The following ARHGAP25 variants were observed in gnomAD, a reference collection of about 807,000 sequenced individuals.
The protein encoded by ARHGAP25 is Rho GTPase activating protein 25, also known as rho GTPase-activating protein 25.
In ARHGAP25, 34 loss-of-function variants were observed where a neutral mutation model predicts 71.0. The ratio of observed to expected loss-of-function variants is 0.48; its 90% CI spans 0.36 to 0.64. The LOEUF (loss-of-function observed/expected upper bound fraction) is 0.64. Among genes scored for constraint, ARHGAP25 ranks in the 30% least tolerant of loss-of-function variants. The probability of loss-of-function intolerance (pLI) is 0.00; values close to 1 mark genes in which losing one functional copy is unlikely to be tolerated. For missense variants in ARHGAP25, 706 were observed against 805.1 expected (o/e 0.88, Z 1.49); for synonymous variants, 282 against 296.5 (o/e 0.95, Z 0.50).
At chr2:68,777,745 C>T (rs1011435696) in intron 2 of ARHGAP25, among the ~76,000 whole-genome samples, 2 of 151,958 alleles carry the variant, frequency 1.3e-5, no homozygotes, top group Non-Finnish European at 2.9e-5. Flanking sequence ...AAAATAAAAC[C>T]TTTAGGAATA....
At chr2:68,746,047 C>G (rs572454060) in intron 1 of ARHGAP25, among the ~76,000 whole-genome samples, 19 of 152,318 alleles carry the variant, frequency 1.2e-4, no homozygotes, top group Admixed American at 1.2e-3. Flanking sequence ...CCTCTTAATA[C>G]TGTTGCATTG....
intron 10 of ARHGAP25, among the ~76,000 whole-genome samples, chr2:68,823,508 G>C (rs72903634): frequency 6.6e-6 from 1 of 152,180 alleles, no homozygotes; most frequent in African/African-American, 2.4e-5. Context: ...AGCAAGTCAG[G>C]TGTGTAGATG....
At chr2:68,823,972 A>T (rs1191982991) in intron 10 of ARHGAP25, among the ~76,000 whole-genome samples, 1 of 152,250 alleles carries the variant, frequency 6.6e-6, no homozygotes, top group Non-Finnish European at 1.5e-5. Flanking sequence ...GTCATGAGGC[A>T]GTGAAATGTG....
At chr2:68,766,905 G>A (rs1226095833) in intron 1 of ARHGAP25, among the ~76,000 whole-genome samples, 2 of 152,030 alleles carry the variant, frequency 1.3e-5, no homozygotes, top group African/African-American at 2.4e-5. Context: ...CATAGTTATT[G>A]GTGCCAAGCC....
At chr2:68,775,650 A>T (rs1018179643) in intron 2 of ARHGAP25, 4 of 689,422 alleles carry the variant, frequency 5.8e-6, no homozygotes, top group Non-Finnish European at 1.0e-5. Context: ...AGTTTCCTAC[A>T]CATGGCTCTG....
intron 1 of ARHGAP25, chr2:68,774,910 A>G (rs1677757346): frequency 7.2e-7 from 1 of 1,382,870 alleles, no homozygotes; most frequent in Non-Finnish European, 9.4e-7. Flanking sequence ...CTTCCTCTTC[A>G]GAAGGCTCCA....
intron 1 of ARHGAP25, 21 bp from the exon 2 acceptor site, chr2:68,775,200 C>A (rs993358751): frequency 1.2e-6 from 2 of 1,614,146 alleles, no homozygotes; most frequent in African/African-American, 1.3e-5. Context: ...GGTCAGTCGG[C>A]CTGTCTGTTC....
chr2:68,779,533 T>A (rs562167812), intron 2 of ARHGAP25, among the ~76,000 whole-genome samples: 1 of 152,322 alleles, frequency 6.6e-6, no homozygotes, highest in East Asian at 1.9e-4. Context: ...TATAAGCATT[T>A]TGAAAAATGC....
At chr2:68,765,983 T>C (rs987444959) in intron 1 of ARHGAP25, among the ~76,000 whole-genome samples, 1 of 152,218 alleles carries the variant, frequency 6.6e-6, no homozygotes, top group Non-Finnish European at 1.5e-5. Context: ...TACTTGAGCA[T>C]TGCCCTGGAA....
intron 3 of ARHGAP25, among the ~76,000 whole-genome samples, chr2:68,782,773 C>T (rs532254769): frequency 1.3e-4 from 20 of 152,228 alleles, no homozygotes; most frequent in Non-Finnish European, 2.8e-4. Context: ...GATGGTTCCA[C>T]CCATTGCATC....
At chr2:68,787,232 G>A (rs537772318) in intron 3 of ARHGAP25, among the ~76,000 whole-genome samples, 3 of 152,160 alleles carry the variant, frequency 2.0e-5, no homozygotes, top group Non-Finnish European at 4.4e-5. Flanking sequence ...ATAATCTTAG[G>A]TTTGAAGTGA....
At position 68,822,348 on chromosome 2, in the gene ARHGAP25, C is replaced by T. The variant is rs1681750069; in HGVS notation, c.1209C>T (p.Asp403=). The change falls in exon 10 of 11, where the codon GAC becomes GAT. Residue 403 remains aspartate, a synonymous_variant. Transcript: ENST00000409202. ...GGCCATTTCTTTTCTAGACAAGCGA[C>T]TCTGATACAACCAGCCCCACCGGAC... The part of the protein sequence containing the change: ...RTDSFSSMTS[D]SDTTSPTGQQ... 6.2e-7 allele frequency: 1 copy of T among 1,612,810 alleles called. No homozygotes were observed. The highest frequency in any genetic ancestry group is 8.5e-7 in the Non-Finnish European group (1 of 1,179,408).
intron 1 of ARHGAP25, among the ~76,000 whole-genome samples, chr2:68,741,796 T>C (rs1252176522): frequency 6.6e-6 from 1 of 152,240 alleles, no homozygotes; most frequent in African/African-American, 2.4e-5. Context: ...TTATTTCTTT[T>C]AGTTCATAAA....
chr2:68,797,338 G>A (rs2104421274), intron 4 of ARHGAP25, among the ~76,000 whole-genome samples: 1 of 152,276 alleles, frequency 6.6e-6, no homozygotes, highest in East Asian at 1.9e-4. Context: ...TTGGCCCACA[G>A]GAATGAGACT....
chr2:68,739,122 C>A (rs1212355797), intron 1 of ARHGAP25, among the ~76,000 whole-genome samples: 1 of 152,198 alleles, frequency 6.6e-6, no homozygotes, highest in Non-Finnish European at 1.5e-5. Flanking sequence ...TGGGGACCAA[C>A]CTAAGTGGTG....
At chr2:68,819,097 A>G in intron 8 of ARHGAP25, 26 bp from the exon 9 acceptor site, 1 of 1,524,464 alleles carries the variant, frequency 6.6e-7, no homozygotes, top group Non-Finnish European at 8.8e-7. Flanking sequence ...ACACTACACA[A>G]CAGATCTTTT....
upstream of ARHGAP25, among the ~76,000 whole-genome samples, chr2:68,732,177 G>A (rs1675038938): frequency 6.6e-6 from 1 of 152,192 alleles, no homozygotes; most frequent in Non-Finnish European, 1.5e-5. Context: ...AGAGCTCTGT[G>A]GTGGGGGAAG....
intron 3 of ARHGAP25, among the ~76,000 whole-genome samples, chr2:68,784,497 G>GT (rs199629320): frequency 0.038 from 5,633 of 149,546 alleles, 139 homozygotes; most frequent in Admixed American, 0.072. Flanking sequence ...AGGCATGCTA[G>GT]TTTTTTTTTT....
intron 1 of ARHGAP25, among the ~76,000 whole-genome samples, chr2:68,747,769 C>A (rs1052372763): frequency 6.6e-6 from 1 of 152,088 alleles, no homozygotes; most frequent in East Asian, 1.9e-4. Context: ...AGGCTAAAAA[C>A]CTAGAGTCAT....
Sources: gnomAD v4.1 joint callset for allele counts (sites outside exome capture counted in the v4.1 genomes callset) on GRCh38, gnomAD v4.1.1 for gene constraint, MANE v1.5 for transcripts, NCBI Gene and HGNC (gene_info 2026-07-23, HGNC 2026-07-21) for gene names.